The following UTS2 variants were observed in gnomAD, a reference collection of about 807,000 sequenced individuals.
UTS2 encodes the protein urotensin 2, also known as urotensin-2.
UTS2 carries 10 observed loss-of-function variants against 12.6 expected under a neutral mutation model. That is an observed-to-expected ratio of 0.80 (90% CI 0.49 to 1.35). The LOEUF (loss-of-function observed/expected upper bound fraction) is 1.35, where lower values mean the gene tolerates loss of function less well. Ranked by LOEUF, UTS2 falls within the 40% of genes most tolerant of loss-of-function variation. The probability of loss-of-function intolerance (pLI) is 0.00; values close to 1 mark genes in which losing one functional copy is unlikely to be tolerated. For missense variants in UTS2, 142 were observed against 143.2 expected (o/e 0.99, Z 0.04); for synonymous variants, 52 against 50.0 (o/e 1.04, Z -0.17).
At chr1:7,854,431 G>C (rs1298670058), upstream of UTS2, among the ~76,000 whole-genome samples, 5 of 149,586 alleles carry the variant, frequency 3.3e-5, no homozygotes, top group African/African-American at 1.2e-4. Flanking sequence ...TGTATCACTT[G>C]AGCCTGGGAA....
the UTS2 span, among the ~76,000 whole-genome samples, chr1:7,896,728 C>A: frequency 1.3e-5 from 2 of 151,586 alleles, 1 homozygote; most frequent in South Asian, 4.2e-4. Flanking sequence ...CAGAGTCCCG[C>A]TCTGTCTCCC....
chr1:7,878,273 A>G, the UTS2 span, among the ~76,000 whole-genome samples: 2 of 152,224 alleles, frequency 1.3e-5, no homozygotes. Flanking sequence ...CCCTACAAGA[A>G]ATCCTTATGG....
the UTS2 span, among the ~76,000 whole-genome samples, chr1:7,869,280 C>A: frequency 3.3e-5 from 5 of 152,170 alleles, no homozygotes; most frequent in African/African-American, 1.2e-4. Context: ...TGACCTTGAC[C>A]ATCTGGGAAG....
the UTS2 span, among the ~76,000 whole-genome samples, chr1:7,875,055 A>C: frequency 6.7e-6 from 1 of 148,754 alleles, no homozygotes; most frequent in African/African-American, 2.5e-5. Context: ...TTTTTTCTTT[A>C]TTTTTTTTTT....
the UTS2 span, among the ~76,000 whole-genome samples, chr1:7,882,313 C>T: frequency 5.9e-5 from 9 of 152,034 alleles, no homozygotes; most frequent in Non-Finnish European, 1.0e-4. Context: ...CCAGCCTGGG[C>T]AACAGAGTGA....
chr1:7,879,308 A>G, the UTS2 span, among the ~76,000 whole-genome samples: 588 of 152,336 alleles, frequency 3.9e-3, 2 homozygotes, highest in Admixed American at 9.4e-3. Flanking sequence ...CATATCAAGT[A>G]TCTTCTCAAA....
At chr1:7,859,720 C>G in the UTS2 span, among the ~76,000 whole-genome samples, 2 of 152,156 alleles carry the variant, frequency 1.3e-5, no homozygotes, top group Non-Finnish European at 2.9e-5. Flanking sequence ...CAATGAGGAG[C>G]CTGGGCATGG....
chr1:7,859,289 T>G, the UTS2 span, among the ~76,000 whole-genome samples: 2 of 152,218 alleles, frequency 1.3e-5, no homozygotes, highest in African/African-American at 4.8e-5. Context: ...CTAATCTACA[T>G]GAATTCTAGA....
At chr1:7,851,015 G>T in intron 1 of UTS2, 93 bp from the exon 2 acceptor site, 1 of 1,235,664 alleles carries the variant, frequency 8.1e-7, no homozygotes, top group South Asian at 1.2e-5. Context: ...GAGATAGGGA[G>T]ATGAACACTA....
At chr1:7,896,255 C>T in the UTS2 span, among the ~76,000 whole-genome samples, 1 of 150,360 alleles carries the variant, frequency 6.7e-6, no homozygotes, top group South Asian at 2.1e-4. Flanking sequence ...GGATGTTTAT[C>T]CATGAAAAAA....
Position 7,853,035 on chromosome 1 carries a change from G to C in UTS2, c.-32C>G, listed in dbSNP as rs1302296872. On this transcript the variant is annotated 5_prime_UTR_variant, in exon 1 of 4. Coordinates refer to ENST00000361696, the MANE Select transcript of UTS2 (RefSeq NM_006786.4). ...CACAAGATAGACGGCTTCCTTCTTG[G>C]CTTCTGTTGTAGAGAACTTTCAACT... 6.3e-7 allele frequency: 1 copy of C among 1,596,380 alleles called. No homozygotes were observed. Among genetic ancestry groups the C allele is most frequent in the Non-Finnish European group, 8.5e-7 (1 of 1,174,486 alleles).
At chr1:7,849,736 C>T in intron 2 of UTS2, 53 bp from the exon 3 acceptor site, 1 of 1,486,062 alleles carries the variant, frequency 6.7e-7, no homozygotes, top group Non-Finnish European at 9.2e-7. Flanking sequence ...CTCTTGTATG[C>T]TTGTTTTAAA....
At chr1:7,873,497 C>T in the UTS2 span, among the ~76,000 whole-genome samples, 1 of 152,176 alleles carries the variant, frequency 6.6e-6, no homozygotes, top group Non-Finnish European at 1.5e-5. Context: ...TGATTCCCAC[C>T]TTCATGGATG....
chr1:7,900,737 T>C, the UTS2 span, among the ~76,000 whole-genome samples: 1 of 152,084 alleles, frequency 6.6e-6, no homozygotes, highest in Non-Finnish European at 1.5e-5. Flanking sequence ...GCTCAGATCA[T>C]GCTACTGCAC....
At chr1:7,874,127 G>A in the UTS2 span, among the ~76,000 whole-genome samples, 1 of 152,052 alleles carries the variant, frequency 6.6e-6, no homozygotes, top group Non-Finnish European at 1.5e-5. Context: ...TGAAGCAGCC[G>A]GCCCAGCCAG....
At chr1:7,857,973 G>C (rs980289305), upstream of UTS2, among the ~76,000 whole-genome samples, 2 of 152,062 alleles carry the variant, frequency 1.3e-5, no homozygotes, top group African/African-American at 2.4e-5. Flanking sequence ...GAGGAAGGAC[G>C]GACTCAGGCC....
chr1:7,896,223 A>C, the UTS2 span, among the ~76,000 whole-genome samples: 2 of 152,082 alleles, frequency 1.3e-5, no homozygotes, highest in East Asian at 3.9e-4. Flanking sequence ...CTCAAAAGTG[A>C]TATTGCAGAT....
At chr1:7,878,849 G>T in the UTS2 span, among the ~76,000 whole-genome samples, 2 of 152,280 alleles carry the variant, frequency 1.3e-5, no homozygotes, top group East Asian at 3.9e-4. Context: ...AATGGAAACC[G>T]AAAGAGCCAG....
At chr1:7,904,309 T>TA in the UTS2 span, among the ~76,000 whole-genome samples, 77 of 130,350 alleles carry the variant, frequency 5.9e-4, 1 homozygote, top group South Asian at 2.7e-3. Context: ...CTACAAAAAA[T>TA]AAAAAAAAAA....
Sources: gnomAD v4.1 joint callset for allele counts (sites outside exome capture counted in the v4.1 genomes callset) on GRCh38, gnomAD v4.1.1 for gene constraint, MANE v1.5 for transcripts, NCBI Gene and HGNC (gene_info 2026-07-23, HGNC 2026-07-21) for gene names.